Variants in SCD5 observed in about 807,000 individuals in gnomAD.
The protein encoded by SCD5 is acyl-CoA-desaturase 4.
SCD5 carries 20 observed loss-of-function variants against 30.4 expected under a neutral mutation model. The observed-to-expected ratio is 0.66, with a 90% CI of 0.46 to 0.96. SCD5 has a LOEUF of 0.96. Among genes scored for constraint, SCD5 ranks in the 40% least tolerant of loss-of-function variants. The pLI is 0.00. For missense variants in SCD5, 381 were observed against 443.3 expected, an observed-to-expected ratio of 0.86 and a Z score of 1.26; for synonymous variants, 173 against 176.4, an observed-to-expected ratio of 0.98 and a Z score of 0.16.
chr4:82,703,668 T>C (rs781574572), intron 2 of SCD5, among the ~76,000 whole-genome samples: 17 of 152,344 alleles, frequency 1.1e-4, no homozygotes, highest in Middle Eastern at 3.4e-3. Flanking sequence ...TTTTGAGTTA[T>C]AAACAAGTAG....
chr4:82,777,949 A>G (rs1721788517), intron 1 of SCD5, among the ~76,000 whole-genome samples: 2 of 141,850 alleles, frequency 1.4e-5, no homozygotes, highest in South Asian at 4.4e-4. Context: ...TACAAATAGC[A>G]AAGTCATGGA....
intron 1 of SCD5, among the ~76,000 whole-genome samples, chr4:82,748,927 C>A (rs1721046337): frequency 6.6e-6 from 1 of 152,132 alleles, no homozygotes; most frequent in Non-Finnish European, 1.5e-5. Context: ...CTAAATGACA[C>A]CATTTTCAAG....
chr4:82,675,568 A>G (rs1372151212), intron 3 of SCD5, among the ~76,000 whole-genome samples: 4 of 152,188 alleles, frequency 2.6e-5, no homozygotes, highest in Non-Finnish European at 5.9e-5. Context: ...TCACCATGGC[A>G]ATAAGGCAAG....
chr4:82,754,958 T>C (rs1214261914), intron 1 of SCD5, among the ~76,000 whole-genome samples: 2 of 152,112 alleles, frequency 1.3e-5, no homozygotes, highest in Non-Finnish European at 2.9e-5. Flanking sequence ...AAGCCCACCA[T>C]GGACAGAGAC....
Position 82,705,359 on chromosome 4 carries a change from A to C in SCD5, c.287T>G (p.Leu96Trp). Residue 96 changes from leucine to tryptophan, a missense_variant, in exon 2 of 5, where the codon TTG (leucine) becomes TGG (tryptophan). Transcript: ENST00000319540. ...ALGVTAGAHR[L>W]WSHRSYRAKL... is the part of the protein sequence containing the mutation. ...GGCCCGGTAGGACCTGTGGCTCCACAAGCGATGGGCACCAGCTGTCACACC... is the reference window on the plus strand; with the variant it reads ...GGCCCGGTAGGACCTGTGGCTCCACCAGCGATGGGCACCAGCTGTCACACC... The C allele has an allele frequency of 6.2e-7, 1 of 1,614,226 alleles. No homozygotes were observed. Among genetic ancestry groups the C allele is most frequent in the Non-Finnish European group, 8.5e-7 (1 of 1,180,028 alleles).
At chr4:82,771,977 AAG>A (rs1721633808) in intron 1 of SCD5, among the ~76,000 whole-genome samples, 1 of 152,210 alleles carries the variant, frequency 6.6e-6, no homozygotes, top group South Asian at 2.1e-4. Context: ...ATATGCATTC[AAG>A]AGAGTTATTT....
chr4:82,688,113 A>G (rs1728750311), intron 2 of SCD5, among the ~76,000 whole-genome samples: 1 of 152,204 alleles, frequency 6.6e-6, no homozygotes. Context: ...AAAGTTCCAG[A>G]ACAAAAAACT....
At chr4:82,778,839 G>A (rs1721807852) in intron 1 of SCD5, among the ~76,000 whole-genome samples, 1 of 152,092 alleles carries the variant, frequency 6.6e-6, no homozygotes, top group Non-Finnish European at 1.5e-5. Context: ...TAAGCTCACA[G>A]GTGGAATTAA....
At chr4:82,793,303 C>T (rs1341901678) in intron 1 of SCD5, among the ~76,000 whole-genome samples, 2 of 152,042 alleles carry the variant, frequency 1.3e-5, no homozygotes, top group African/African-American at 4.8e-5. Context: ...TGGCTGTGCT[C>T]AAAAATCCCA....
At chr4:82,751,597 A>C (rs572332414) in intron 1 of SCD5, among the ~76,000 whole-genome samples, 2 of 152,286 alleles carry the variant, frequency 1.3e-5, no homozygotes, top group East Asian at 1.9e-4. Flanking sequence ...TAATAACTTT[A>C]AAATCTTTTG....
chr4:82,693,219 T>C (rs57010820), intron 2 of SCD5, among the ~76,000 whole-genome samples: 11,429 of 152,154 alleles, frequency 0.075, 884 homozygotes, highest in African/African-American at 0.19. Flanking sequence ...TGCCTCCTGA[T>C]ACTCAGCTCC....
At chr4:82,694,500 T>TTGGCC (rs1461668406) in intron 2 of SCD5, among the ~76,000 whole-genome samples, 1 of 152,218 alleles carries the variant, frequency 6.6e-6, no homozygotes. Flanking sequence ...TCTTAGACCT[T>TTGGCC]TGGCCTGTAA....
intron 3 of SCD5, among the ~76,000 whole-genome samples, chr4:82,643,167 T>A (rs138988301): frequency 6.6e-6 from 1 of 152,210 alleles, no homozygotes; most frequent in South Asian, 2.1e-4. Flanking sequence ...GATGGAGGAA[T>A]GTGAAGTGGC....
At chr4:82,746,894 C>T (rs1341602508) in intron 1 of SCD5, among the ~76,000 whole-genome samples, 3 of 152,058 alleles carry the variant, frequency 2.0e-5, no homozygotes, top group Non-Finnish European at 4.4e-5. Context: ...CTCTGGCCTA[C>T]CACACCCCCA....
intron 2 of SCD5, among the ~76,000 whole-genome samples, chr4:82,688,746 A>C (rs537229179): frequency 3.8e-4 from 58 of 152,352 alleles, no homozygotes; most frequent in African/African-American, 1.4e-3. Flanking sequence ...CAACCTTAGT[A>C]GTTTAAAAAG....
intron 1 of SCD5, among the ~76,000 whole-genome samples, chr4:82,754,466 G>A (rs922370964): frequency 1.3e-5 from 2 of 151,918 alleles, no homozygotes; most frequent in Admixed American, 6.6e-5. Context: ...GCCACAGGAG[G>A]GGTCTGGGTG....
At chr4:82,660,687 A>G (rs1727978116) in intron 3 of SCD5, 2 of 1,424,388 alleles carry the variant, frequency 1.4e-6, no homozygotes, top group East Asian at 5.1e-5. Context: ...TGATTTTAGG[A>G]CCATATTTTA....
intron 1 of SCD5, among the ~76,000 whole-genome samples, chr4:82,756,750 C>T (rs1464329610): frequency 6.6e-6 from 1 of 151,172 alleles, no homozygotes; most frequent in East Asian, 1.9e-4. Flanking sequence ...CCGCCCTCAC[C>T]ATCTCTCACT....
At chr4:82,783,430 G>A (rs1266354992) in intron 1 of SCD5, among the ~76,000 whole-genome samples, 2 of 152,328 alleles carry the variant, frequency 1.3e-5, no homozygotes, top group East Asian at 1.9e-4. Flanking sequence ...GATGCCTGAT[G>A]ACATTAGACT....
Sources: allele counts gnomAD v4.1 joint callset (sites outside exome capture counted in the v4.1 genomes callset), GRCh38; gene constraint gnomAD v4.1.1; transcripts MANE v1.5; gene names NCBI Gene and HGNC (gene_info 2026-07-23, HGNC 2026-07-21).